The following DTNA variants were observed in gnomAD, a reference collection of about 807,000 sequenced individuals.
DTNA encodes dystrophin-related protein 3.
Under a neutral mutation model 100.7 loss-of-function variants are expected in DTNA, and 43 were observed. The observed-to-expected ratio is 0.43, with a 90% CI of 0.33 to 0.55. DTNA has a LOEUF of 0.55. Among genes scored for constraint, DTNA ranks in the 20% least tolerant of loss-of-function variants. The probability of loss-of-function intolerance (pLI) is 0.04; values close to 1 mark genes in which losing one functional copy is unlikely to be tolerated. For synonymous variants in DTNA, 349 were observed against 347.9 expected (o/e 1.00, Z -0.04); for missense variants, 798 against 953.9 (o/e 0.84, Z 2.15).
chr18:34,769,100 A>G (rs10853433), intron 3 of DTNA, among the ~76,000 whole-genome samples: 125,398 of 152,124 alleles, frequency 0.82, 52,039 homozygotes, highest in East Asian at 0.91. Flanking sequence ...GCCCAAGGAA[A>G]AAAAACAAGC....
chr18:34,564,579 A>G (rs2046928735), intron 1 of DTNA, among the ~76,000 whole-genome samples: 1 of 152,214 alleles, frequency 6.6e-6, no homozygotes, highest in Non-Finnish European at 1.5e-5. Flanking sequence ...GAAATAAAGC[A>G]TTTGTGTATT....
intron 15 of DTNA, among the ~76,000 whole-genome samples, chr18:34,854,739 T>G (rs560843138): frequency 6.6e-6 from 1 of 152,204 alleles, no homozygotes; most frequent in African/African-American, 2.4e-5. Context: ...GAGCCATCCA[T>G]TGGGGAAGGG....
At chr18:34,764,982 G>C (rs1208449239) in intron 2 of DTNA, among the ~76,000 whole-genome samples, 2 of 152,174 alleles carry the variant, frequency 1.3e-5, no homozygotes, top group Non-Finnish European at 2.9e-5. Context: ...AGGGTGGGAG[G>C]AATACTAGGA....
intron 1 of DTNA, among the ~76,000 whole-genome samples, chr18:34,682,504 T>C (rs1396098369): frequency 6.6e-6 from 1 of 152,180 alleles, no homozygotes; most frequent in East Asian, 1.9e-4. Flanking sequence ...AACAAATAAG[T>C]GTCCTGTTGC....
intron 1 of DTNA, among the ~76,000 whole-genome samples, chr18:34,582,243 C>A (rs557968928): frequency 6.6e-6 from 1 of 152,136 alleles, no homozygotes; most frequent in Admixed American, 6.5e-5. Flanking sequence ...TTGACTGCTA[C>A]CCCCTACATC....
rs565140781 is a variant in DTNA, at chr18:34,844,297, T to C, written c.1347-3999T>C. ...AAGATTGCCATTTCATGATTTCCTG[T>C]CTTTTTTTGTTGTTATTCCAAACCA... is the stretch of plus-strand genomic sequence containing the variant. On this transcript the variant is annotated intron_variant, in intron 13 of 22. Transcript: ENST00000444659. Among the ~76,000 whole-genome samples the C allele has an allele frequency of 2.0e-5, 3 of 152,256 alleles. No homozygotes were observed. In the East Asian group the frequency reaches 5.8e-4, roughly 29 times the overall value.
chr18:34,793,944 T>C lies in DTNA; in HGVS notation c.149-93T>C, dbSNP rs887225811. Reference sequence around the variant, plus strand: ...CTGCAACAGCTGCACACATGTGAGATACCTAGAAAAAAACAGGACAGAGGG... The same window carrying C: ...CTGCAACAGCTGCACACATGTGAGACACCTAGAAAAAAACAGGACAGAGGG... On this transcript the variant is annotated intron_variant, in intron 3 of 22. Transcript: ENST00000444659. 10 of 1,317,622 alleles carry C rather than the reference T, an allele frequency of 7.6e-6. No individual in the cohort carries two copies. In the South Asian group the frequency reaches 1.0e-4, roughly 13 times the overall value. 81.6% of individuals were successfully genotyped at this position (1,317,622 alleles called of 1,614,324 possible).
intron 2 of DTNA, among the ~76,000 whole-genome samples, chr18:34,757,933 C>T (rs2092891406): frequency 6.6e-6 from 1 of 152,172 alleles, no homozygotes; most frequent in Non-Finnish European, 1.5e-5. Flanking sequence ...CAGCTAAATA[C>T]GTCTGACCTT....
At chr18:34,867,648 C>G (rs1260396345) in intron 17 of DTNA, 7 of 991,876 alleles carry the variant, frequency 7.1e-6, no homozygotes, top group Non-Finnish European at 8.4e-6. Context: ...ATCATCCTGT[C>G]GTCATCAGCC....
intron 19 of DTNA, among the ~76,000 whole-genome samples, chr18:34,878,214 G>A (rs998583341): frequency 2.0e-5 from 3 of 152,140 alleles, no homozygotes; most frequent in Non-Finnish European, 2.9e-5. Context: ...CTGGCCTCAA[G>A]TGATCCTCCT....
chr18:34,848,837 G>C (rs1379754937), intron 14 of DTNA, among the ~76,000 whole-genome samples: 4 of 152,182 alleles, frequency 2.6e-5, no homozygotes, highest in Non-Finnish European at 2.9e-5. Context: ...GCAACTGTCA[G>C]CTCAACACAT....
rs2096958339 is a variant in DTNA, at chr18:34,890,269, T to C, written c.*2535T>C. ...GAAACTGCCGCCAATGACCAATTTC[T>C]GACTAACCAGCCACCTTTTCTCTCT... On this transcript the variant is annotated 3_prime_UTR_variant, in exon 23 of 23. Transcript: ENST00000444659. 2 of 1,527,302 alleles carry C rather than the reference T, an allele frequency of 1.3e-6. No homozygotes were observed. The highest frequency in any genetic ancestry group is 4.0e-5 in the Admixed American group (2 of 50,228). The allele number at this position is 1,527,302 out of a possible 1,614,324, so 94.6% of individuals were successfully genotyped here. A position where few individuals can be genotyped will look rare whatever the true frequency, so the allele number is the denominator to read the frequency against.
intron 3 of DTNA, among the ~76,000 whole-genome samples, chr18:34,768,898 A>T (rs561888122): frequency 2.2e-4 from 34 of 152,314 alleles, no homozygotes; most frequent in Non-Finnish European, 4.7e-4. Context: ...TAATGATAGA[A>T]ATATGTACAT....
Position 34,887,856 on chromosome 18 carries a change from C to T in DTNA, c.*122C>T, listed in dbSNP as rs1318468358. 1 of 986,536 alleles carries T rather than the reference C, an allele frequency of 1.0e-6. No individual in the cohort carries two copies. Among genetic ancestry groups the T allele is most frequent in the Admixed American group, 6.1e-5 (1 of 16,266 alleles). 61.1% of individuals were successfully genotyped at this position (986,536 alleles called of 1,614,324 possible). On this transcript the variant is annotated 3_prime_UTR_variant, in exon 23 of 23. Coordinates refer to ENST00000444659, the MANE Select transcript of DTNA (RefSeq NM_001386795.1). ...CCACACAGAGGAGGAAGACAGCAGC[C>T]TGGCAGCAGCCTCACCGAAGAGAGG...
intron 1 of DTNA, among the ~76,000 whole-genome samples, chr18:34,723,219 A>G (rs890781827): frequency 2.0e-5 from 3 of 152,228 alleles, no homozygotes; most frequent in African/African-American, 4.8e-5. Flanking sequence ...AAGAAACTGT[A>G]TAAGTAATAG....
intron 4 of DTNA, among the ~76,000 whole-genome samples, chr18:34,795,999 A>G (rs2094952744): frequency 6.6e-6 from 1 of 152,232 alleles, no homozygotes; most frequent in South Asian, 2.1e-4. Context: ...AAGGTAAGGA[A>G]CAATTCACAA....
intron 8 of DTNA, 82 bp from the exon 9 acceptor site, chr18:34,820,709 T>G: frequency 6.3e-7 from 1 of 1,594,166 alleles, no homozygotes; most frequent in Non-Finnish European, 8.6e-7. Context: ...TAAATGAATA[T>G]CTATTATGAA....
At chr18:34,676,442 A>G (rs73946134) in intron 1 of DTNA, among the ~76,000 whole-genome samples, 4,449 of 148,780 alleles carry the variant, frequency 0.03, 202 homozygotes, top group African/African-American at 0.099. Flanking sequence ...AGAATACAGT[A>G]TTTTTATTTT....
chr18:34,807,748 C>G (rs1426691434), intron 5 of DTNA, among the ~76,000 whole-genome samples: 6 of 151,458 alleles, frequency 4.0e-5, no homozygotes, highest in Non-Finnish European at 8.8e-5. Context: ...TGTAGCTTCT[C>G]TTTTGTTAGC....
Sources: gnomAD v4.1 joint callset for allele counts (sites outside exome capture counted in the v4.1 genomes callset) on GRCh38, gnomAD v4.1.1 for gene constraint, MANE v1.5 for transcripts, NCBI Gene and HGNC (gene_info 2026-07-23, HGNC 2026-07-21) for gene names.